Variants in CTNNBIP1 observed in about 807,000 individuals in gnomAD.
CTNNBIP1 encodes beta-catenin-interacting protein 1.
CTNNBIP1 carries 7 observed loss-of-function variants against 11.8 expected under a neutral mutation model. The observed-to-expected ratio is 0.60, with a 90% confidence interval of 0.34 to 1.12. The LOEUF (loss-of-function observed/expected upper bound fraction) is 1.12, where lower values mean the gene tolerates loss of function less well. Ranked by LOEUF, CTNNBIP1 falls within the 50% of genes most tolerant of loss-of-function variation. The pLI, the probability that CTNNBIP1 is intolerant of heterozygous loss-of-function variation, is 0.03. For missense variants in CTNNBIP1, 101 were observed against 113.4 expected, an observed-to-expected ratio of 0.89 and a Z score of 0.50; for synonymous variants, 58 against 43.9, an observed-to-expected ratio of 1.32 and a Z score of -1.26.
At chr1:9,852,461 G>T (rs1297616747) in intron 5 of CTNNBIP1, among the ~76,000 whole-genome samples, 1 of 152,204 alleles carries the variant, frequency 6.6e-6, no homozygotes, top group East Asian at 1.9e-4. Context: ...GAGTTGTCCA[G>T]CTTCCTAGGA....
At chr1:9,877,644 T>C (rs1285906242) in intron 3 of CTNNBIP1, among the ~76,000 whole-genome samples, 1 of 152,242 alleles carries the variant, frequency 6.6e-6, no homozygotes, top group Non-Finnish European at 1.5e-5. Context: ...TGCCATAGAA[T>C]TGGTGGTTCC....
intron 3 of CTNNBIP1, among the ~76,000 whole-genome samples, chr1:9,874,325 A>T (rs542738622): frequency 1.3e-5 from 2 of 151,630 alleles, no homozygotes; most frequent in South Asian, 4.2e-4. Flanking sequence ...TATGATCAGA[A>T]CTCACTGCAG....
intron 5 of CTNNBIP1, among the ~76,000 whole-genome samples, chr1:9,853,014 A>G (rs780616120): frequency 3.9e-5 from 6 of 152,200 alleles, no homozygotes; most frequent in Non-Finnish European, 5.9e-5. Flanking sequence ...TCCAGGTCAC[A>G]CAGGGACTCT....
At chr1:9,868,289 G>A (rs905095537) in intron 5 of CTNNBIP1, among the ~76,000 whole-genome samples, 5 of 152,140 alleles carry the variant, frequency 3.3e-5, no homozygotes, top group Admixed American at 6.5e-5. Context: ...ACCCCTCCCC[G>A]GAGAAAGAAG....
Position 9,848,338 on chromosome 1 carries a change from T to C in CTNNBIP1, c.*2380A>G, listed in dbSNP as rs975007567. ...AACAGATATATTTTTAGTTGAAATA[T>C]GGAGCCACAGCAACACTTTGACTTT... On this transcript the variant is annotated 3_prime_UTR_variant, in exon 6 of 6. Coordinates refer to ENST00000377263, the MANE Select transcript of CTNNBIP1 (RefSeq NM_020248.3). The surrounding 1 kb of genome is among the most constrained non-coding windows in gnomAD (Gnocchi z 4.3). The C allele has an allele frequency of 2.0e-5, 3 of 152,230 alleles. No individual in the cohort carries two copies. The highest frequency in any genetic ancestry group is 2.9e-5 in the Non-Finnish European group (2 of 68,040). 9.4% of individuals were successfully genotyped at this position (152,230 alleles called of 1,614,324 possible).
intron 3 of CTNNBIP1, among the ~76,000 whole-genome samples, chr1:9,877,667 G>C (rs953120648): frequency 1.2e-4 from 18 of 152,062 alleles, no homozygotes; most frequent in African/African-American, 4.4e-4. Flanking sequence ...GAGCTTATAT[G>C]AAATATTATC....
intron 1 of CTNNBIP1, among the ~76,000 whole-genome samples, chr1:9,890,107 A>G (rs1347636773): frequency 1.3e-5 from 2 of 152,156 alleles, no homozygotes; most frequent in African/African-American, 4.8e-5. Context: ...GGTTTAAAAT[A>G]TTTATCCTTG....
At chr1:9,888,455 G>C (rs138975176) in intron 1 of CTNNBIP1, among the ~76,000 whole-genome samples, 1 of 152,050 alleles carries the variant, frequency 6.6e-6, no homozygotes, top group Non-Finnish European at 1.5e-5. Context: ...GTGAGGCTGA[G>C]GCAGGAGAAT....
At chr1:9,903,827 A>C (rs1639568520) in intron 1 of CTNNBIP1, among the ~76,000 whole-genome samples, 2 of 152,294 alleles carry the variant, frequency 1.3e-5, no homozygotes, top group Admixed American at 6.5e-5. Context: ...ATTGGGCTTA[A>C]GGGAGGCTTT....
chr1:9,888,709 G>A (rs1440990112), intron 1 of CTNNBIP1, among the ~76,000 whole-genome samples: 1 of 152,166 alleles, frequency 6.6e-6, no homozygotes, highest in Non-Finnish European at 1.5e-5. Context: ...AATGCAGGAG[G>A]ACCCTTTCCT....
chr1:9,856,494 G>A lies in CTNNBIP1; in HGVS notation c.188-5718C>T, dbSNP rs181465854. On this transcript the variant is annotated intron_variant, in intron 5 of 5. Coordinates refer to ENST00000377263, the MANE Select transcript of CTNNBIP1 (RefSeq NM_020248.3). Reference sequence around the variant, plus strand: ...CATATATCTGGTAAGGGACTATTACGCAAAATACGTAAAAAATTCTTTTTT... The same window carrying A: ...CATATATCTGGTAAGGGACTATTACACAAAATACGTAAAAAATTCTTTTTT... Among the ~76,000 whole-genome samples, 86 of 149,386 alleles carry A rather than the reference G, an allele frequency of 5.8e-4. 1 individual carries two copies. Among genetic ancestry groups the A allele is most frequent in the African/African-American group, 2.0e-3 (81 of 40,598 alleles).
intron 1 of CTNNBIP1, among the ~76,000 whole-genome samples, chr1:9,885,749 G>GCATGGAGA (rs1468952581): frequency 2.0e-5 from 3 of 152,004 alleles, no homozygotes; most frequent in African/African-American, 7.2e-5. Flanking sequence ...TTCAAGACCA[G>GCATGGAGA]CCTGACCAAC....
intron 5 of CTNNBIP1, among the ~76,000 whole-genome samples, chr1:9,860,069 T>C (rs1231967019): frequency 6.6e-6 from 1 of 152,070 alleles, no homozygotes; most frequent in Non-Finnish European, 1.5e-5. Flanking sequence ...TCCTGCAAAG[T>C]CCAACTCAGC....
At chr1:9,852,246 G>A (rs1638406485) in intron 5 of CTNNBIP1, among the ~76,000 whole-genome samples, 1 of 152,186 alleles carries the variant, frequency 6.6e-6, no homozygotes, top group African/African-American at 2.4e-5. Flanking sequence ...GACGCACCCA[G>A]CTGTCGGGAG....
chr1:9,861,282 C>T (rs1455916974), intron 5 of CTNNBIP1, among the ~76,000 whole-genome samples: 1 of 152,244 alleles, frequency 6.6e-6, no homozygotes. Context: ...GACCCAGACG[C>T]TCCTCCAAAG....
chr1:9,848,744 T>A lies in CTNNBIP1; in HGVS notation c.*1974A>T, dbSNP rs1243890305. The A allele has an allele frequency of 6.6e-6, 1 of 152,058 alleles. No homozygotes were observed. Among genetic ancestry groups the A allele is most frequent in the Non-Finnish European group, 1.5e-5 (1 of 68,026 alleles). The allele number at this position is 152,058 out of a possible 1,614,324, so 9.4% of individuals were successfully genotyped here. On this transcript the variant is annotated 3_prime_UTR_variant, in exon 6 of 6. Transcript: ENST00000377263. The surrounding 1 kb of genome is among the most constrained non-coding windows in gnomAD (Gnocchi z 4.3). ...CTCTCAGGTCCCTGCCAGGGTAGGGTTGTAGCTGTGTTCCCCACAGCTGAC... is the reference window on the plus strand; with the variant it reads ...CTCTCAGGTCCCTGCCAGGGTAGGGATGTAGCTGTGTTCCCCACAGCTGAC...
chr1:9,864,480 C>T (rs192948138), intron 5 of CTNNBIP1, among the ~76,000 whole-genome samples: 133 of 152,356 alleles, frequency 8.7e-4, no homozygotes, highest in Non-Finnish European at 1.4e-3. Flanking sequence ...AGGCGCCCGC[C>T]ACCACGCCCG....
intron 1 of CTNNBIP1, among the ~76,000 whole-genome samples, chr1:9,909,562 G>C (rs903951686): frequency 5.3e-5 from 8 of 152,122 alleles, no homozygotes; most frequent in Non-Finnish European, 1.0e-4. Context: ...GGCTCCAGGT[G>C]GTTAATTTTG....
chr1:9,871,938 G>C lies in CTNNBIP1; in HGVS notation c.96+31C>G, dbSNP rs1358903511. The C allele has an allele frequency of 6.3e-7, 1 of 1,587,538 alleles. No individual in the cohort carries two copies. Among genetic ancestry groups the C allele is most frequent in the East Asian group, 2.2e-5 (1 of 44,752 alleles). On this transcript the variant is annotated intron_variant, in intron 4 of 5. Coordinates refer to ENST00000377263, the MANE Select transcript of CTNNBIP1 (RefSeq NM_020248.3). The surrounding 1 kb of genome is among the most constrained non-coding windows in gnomAD (Gnocchi z 5.2). ...CCTCCCTGGGAGACCCTCCCTGGGG[G>C]CCCGCTGCCTGACACCCCACAGGCA...
Sources: allele counts gnomAD v4.1 joint callset (sites outside exome capture counted in the v4.1 genomes callset), GRCh38; gene constraint gnomAD v4.1.1; non-coding constraint Gnocchi (gnomAD v3.1); transcripts MANE v1.5; gene names NCBI Gene and HGNC (gene_info 2026-07-23, HGNC 2026-07-21).